Variants in EMB observed in about 807,000 individuals in gnomAD.
The protein encoded by EMB is embigin.
A neutral mutation model predicts 41.4 loss-of-function variants in EMB; 31 were observed. The ratio of observed to expected loss-of-function variants is 0.75; its 90% CI spans 0.56 to 1.01. The LOEUF is 1.01. EMB is among the 50% of genes least tolerant of loss of function. EMB has a pLI of 0.00. For synonymous variants in EMB, 137 were observed against 140.4 expected, an observed-to-expected ratio of 0.98 and a Z score of 0.17; for missense variants, 379 against 388.3, an observed-to-expected ratio of 0.98 and a Z score of 0.20.
chr5:50,400,393 C>A (rs1745141827), intron 7 of EMB, among the ~76,000 whole-genome samples: 1 of 151,884 alleles, frequency 6.6e-6, no homozygotes, highest in Non-Finnish European at 1.5e-5. Flanking sequence ...AACTAAATAA[C>A]CAGTATGCAT....
At position 50,439,692 on chromosome 5, in the gene EMB, T is replaced by G. The variant is rs1167929288; in HGVS notation, c.112+1348A>C. ...AGGAACCCACGATGTTCTGTCCAAG[T>G]TGTTAACAACTAGACGTTTTAAAAG... On this transcript the variant is annotated intron_variant, in intron 1 of 8. Transcript: ENST00000303221. 7.2e-5 allele frequency among the ~76,000 whole-genome samples: 11 copies of G among 152,148 alleles called. 2 individuals carry two copies. The highest frequency in any genetic ancestry group is 6.5e-4 in the Admixed American group (10 of 15,280).
At chr5:50,432,510 C>T (rs1745736040) in intron 1 of EMB, among the ~76,000 whole-genome samples, 1 of 151,546 alleles carries the variant, frequency 6.6e-6, no homozygotes, top group African/African-American at 2.4e-5. Flanking sequence ...CCATGTGATC[C>T]CATGCCAAAT....
chr5:50,412,943 A>T (rs1745367428), intron 2 of EMB, among the ~76,000 whole-genome samples: 3 of 148,944 alleles, frequency 2.0e-5, no homozygotes, highest in South Asian at 4.2e-4. Context: ...CTGGTGTAAA[A>T]AAAAAAAGGG....
intron 1 of EMB, among the ~76,000 whole-genome samples, chr5:50,430,641 A>G (rs1745705631): frequency 6.6e-6 from 1 of 152,134 alleles, no homozygotes. Flanking sequence ...AGCACCCATT[A>G]ATGCATAGTA....
chr5:50,411,004 C>T (rs1745327538), intron 3 of EMB, 39 bp from the exon 4 acceptor site: 1 of 1,442,216 alleles, frequency 6.9e-7, no homozygotes, highest in African/African-American at 1.4e-5. Context: ...GCTTAGTTCT[C>T]AAAACCTTAA....
chr5:50,427,759 T>C (rs1458085623), intron 2 of EMB, among the ~76,000 whole-genome samples: 1 of 152,118 alleles, frequency 6.6e-6, no homozygotes, highest in African/African-American at 2.4e-5. Flanking sequence ...TCATTTGATA[T>C]CATCTTTAAT....
chr5:50,407,113 G>A (rs1004611023), intron 4 of EMB, among the ~76,000 whole-genome samples: 4 of 151,850 alleles, frequency 2.6e-5, no homozygotes, highest in African/African-American at 9.7e-5. Context: ...GCTTTCCCAG[G>A]TTGTTTATCT....
chr5:50,416,169 TG>T (rs1745428546), intron 2 of EMB, among the ~76,000 whole-genome samples: 1 of 152,226 alleles, frequency 6.6e-6, no homozygotes, highest in African/African-American at 2.4e-5. Context: ...AACAAACTAA[TG>T]TGAGCTCAGT....
At chr5:50,433,847 A>T (rs192559604) in intron 1 of EMB, among the ~76,000 whole-genome samples, 4 of 152,300 alleles carry the variant, frequency 2.6e-5, no homozygotes, top group Non-Finnish European at 5.9e-5. Flanking sequence ...TGAACTCTTG[A>T]GTGAAGAATC....
intron 2 of EMB, among the ~76,000 whole-genome samples, chr5:50,416,908 T>C (rs1231287178): frequency 6.6e-6 from 1 of 152,166 alleles, no homozygotes; most frequent in African/African-American, 2.4e-5. Context: ...TAGAAATTTC[T>C]GAATACCTTG....
At chr5:50,425,719 C>G (rs1745599501) in intron 2 of EMB, among the ~76,000 whole-genome samples, 1 of 62,018 alleles carries the variant, frequency 1.6e-5, no homozygotes, top group South Asian at 4.7e-4. Context: ...TCTGGGGGGG[C>G]AGGGGAGATG....
At chr5:50,410,680 T>C (rs1007128141) in intron 4 of EMB, among the ~76,000 whole-genome samples, 197 bp downstream of exon 4, 1 of 152,118 alleles carries the variant, frequency 6.6e-6, no homozygotes, top group Non-Finnish European at 1.5e-5. Context: ...AATTGAGGAA[T>C]AGAAGCAGGA....
intron 6 of EMB, 131 bp from the exon 7 acceptor site, chr5:50,402,450 C>A: frequency 1.2e-6 from 1 of 807,176 alleles, no homozygotes. Flanking sequence ...GAAGGAGAGA[C>A]ATGCTACCTT....
At chr5:50,424,468 G>A (rs1425156751) in intron 2 of EMB, among the ~76,000 whole-genome samples, 9 of 152,164 alleles carry the variant, frequency 5.9e-5, no homozygotes, top group Non-Finnish European at 1.5e-5. Flanking sequence ...ACACCAGTAG[G>A]AGGGAGGGAA....
At chr5:50,412,050 T>C (rs1745347597) in intron 2 of EMB, 1 of 152,074 alleles carries the variant, frequency 6.6e-6, no homozygotes, top group African/African-American at 2.4e-5. Flanking sequence ...TTTGGATTGA[T>C]TGATTATCAT....
intron 1 of EMB, among the ~76,000 whole-genome samples, chr5:50,434,296 A>C (rs1175531502): frequency 6.6e-6 from 1 of 152,256 alleles, no homozygotes; most frequent in Non-Finnish European, 1.5e-5. Flanking sequence ...TTGAACAGAT[A>C]CATCAGCAAT....
At chr5:50,407,125 T>G (rs2111782755) in intron 4 of EMB, among the ~76,000 whole-genome samples, 1 of 152,136 alleles carries the variant, frequency 6.6e-6, no homozygotes, top group African/African-American at 2.4e-5. Flanking sequence ...TGTTTATCTC[T>G]CAGATATCCT....
At position 50,421,571 on chromosome 5, in the gene EMB, T is replaced by C. The variant is rs1046938079; in HGVS notation, c.196+6573A>G. Among the ~76,000 whole-genome samples, 10 of 152,160 alleles carry C rather than the reference T, an allele frequency of 6.6e-5. No homozygotes were observed. In the South Asian group the frequency reaches 1.0e-3, roughly 16 times the overall value. The stretch of plus-strand genomic sequence containing the variant: ...TATATACCCAAAGGATTATCAATCA[T>C]GCTTCTATAAAGATACATGCACACG... On this transcript the variant is annotated intron_variant, in intron 2 of 8. Transcript: ENST00000303221.
At chr5:50,407,795 C>G (rs303219) in intron 4 of EMB, among the ~76,000 whole-genome samples, 84,423 of 151,694 alleles carry the variant, frequency 0.56, 25,882 homozygotes, top group African/African-American at 0.83. Context: ...ACGAGTGCTA[C>G]GGTTGGAATA....
Sources: gnomAD v4.1 joint callset for allele counts (sites outside exome capture counted in the v4.1 genomes callset) on GRCh38, gnomAD v4.1.1 for gene constraint, MANE v1.5 for transcripts, NCBI Gene and HGNC (gene_info 2026-07-23, HGNC 2026-07-21) for gene names.